The following SLC9C1 variants were observed in gnomAD, a reference collection of about 807,000 sequenced individuals.
SLC9C1 encodes sodium/hydrogen exchanger 10.
In SLC9C1, 97 loss-of-function variants were observed where a neutral mutation model predicts 140.9. The observed-to-expected ratio is 0.69, with a 90% CI of 0.58 to 0.82. The LOEUF (loss-of-function observed/expected upper bound fraction) is 0.82. Ranked by LOEUF, SLC9C1 falls within the 40% of genes least tolerant of loss-of-function variation. SLC9C1 has a pLI of 0.00. For missense variants in SLC9C1, 1,340 were observed against 1,389.3 expected, an observed-to-expected ratio of 0.96 and a Z score of 0.56; for synonymous variants, 440 against 442.6, an observed-to-expected ratio of 0.99 and a Z score of 0.07.
intron 13 of SLC9C1, among the ~76,000 whole-genome samples, chr3:112,221,678 T>C (rs2078544850): frequency 6.6e-6 from 1 of 152,048 alleles, no homozygotes; most frequent in African/African-American, 2.4e-5. Flanking sequence ...AATGATTCTA[T>C]CTTTGTAACT....
chr3:112,176,697 A>C (rs1263010494), intron 23 of SLC9C1, among the ~76,000 whole-genome samples: 1 of 152,154 alleles, frequency 6.6e-6, no homozygotes, highest in African/African-American at 2.4e-5. Flanking sequence ...TTCATTTACT[A>C]TCTGATCACA....
intron 11 of SLC9C1, among the ~76,000 whole-genome samples, chr3:112,240,934 C>T (rs6438055): frequency 0.59 from 89,398 of 151,022 alleles, 26,954 homozygotes; most frequent in East Asian, 0.79. Flanking sequence ...AACAATTTAA[C>T]TCATGGACAT....
intron 25 of SLC9C1, among the ~76,000 whole-genome samples, chr3:112,168,203 T>C (rs1246572373): frequency 6.6e-6 from 1 of 152,126 alleles, no homozygotes; most frequent in African/African-American, 2.4e-5. Flanking sequence ...TAGCACTGTA[T>C]TCCAGCATAT....
At chr3:112,259,026 C>T (rs982395878) in intron 10 of SLC9C1, among the ~76,000 whole-genome samples, 4 of 152,116 alleles carry the variant, frequency 2.6e-5, no homozygotes, top group East Asian at 3.8e-4. Flanking sequence ...GATCCAGTCA[C>T]GAGGTCCCTC....
intron 13 of SLC9C1, 79 bp downstream of exon 13, chr3:112,231,282 T>A (rs1484897404): frequency 7.1e-6 from 11 of 1,545,230 alleles, no homozygotes; most frequent in African/African-American, 1.4e-5. Flanking sequence ...GTGAGCATGA[T>A]CAAGATGTCT....
intron 13 of SLC9C1, among the ~76,000 whole-genome samples, chr3:112,223,322 G>A (rs2078591660): frequency 6.6e-6 from 1 of 151,972 alleles, no homozygotes; most frequent in South Asian, 2.1e-4. Context: ...AATAGAAGAA[G>A]AGCACAAAGA....
chr3:112,197,593 T>G (rs1208165336), intron 20 of SLC9C1, among the ~76,000 whole-genome samples: 1 of 152,144 alleles, frequency 6.6e-6, no homozygotes, highest in Non-Finnish European at 1.5e-5. Context: ...ATCCAAGCCT[T>G]CCCCTGAAAG....
Position 112,245,162 on chromosome 3 carries a change from G to A in SLC9C1, c.1198-1086C>T, listed in dbSNP as rs115526938. On this transcript the variant is annotated intron_variant, in intron 10 of 28. Coordinates refer to ENST00000305815, the MANE Select transcript of SLC9C1 (RefSeq NM_183061.3). ...AAGAATTGCCAATTCTAAAATCTTC[G>A]TATAAATTAAATAGCATATGACATG... 6.8e-3 allele frequency among the ~76,000 whole-genome samples: 1,041 copies of A among 152,174 alleles called. 8 individuals carry two copies. The highest frequency in any genetic ancestry group is 0.021 in the African/African-American group (882 of 41,514).
chr3:112,283,575 A>G (rs562255324), intron 2 of SLC9C1, among the ~76,000 whole-genome samples: 4 of 152,144 alleles, frequency 2.6e-5, no homozygotes, highest in Non-Finnish European at 5.9e-5. Flanking sequence ...AACTCCAGTA[A>G]GCAGTTCAGT....
chr3:112,254,010 T>G (rs2079536650), intron 10 of SLC9C1, among the ~76,000 whole-genome samples: 1 of 152,068 alleles, frequency 6.6e-6, no homozygotes, highest in South Asian at 2.1e-4. Flanking sequence ...GAAGGCTTGA[T>G]CCATGAAATA....
rs56965031 is a variant in SLC9C1, at chr3:112,168,322, TACACACACACACACACACAC to T, written c.3237+535_3237+554del. On this transcript the variant is annotated intron_variant, in intron 25 of 28. Coordinates refer to ENST00000305815, the MANE Select transcript of SLC9C1 (RefSeq NM_183061.3). ...CTGATTCTCCCCCAACACAAAACAA[TACACACACACACACACACAC>T]ACACACACACACACACACACACACA... Among the ~76,000 whole-genome samples, 642 of 133,826 alleles carry T rather than the reference TACACACACACACACACACAC, an allele frequency of 4.8e-3. 6 individuals carry two copies. The highest frequency in any genetic ancestry group is 0.023 in the South Asian group (91 of 3,894). 87.8% of individuals were successfully genotyped at this position (133,826 alleles called of 152,430 possible). A position where few individuals can be genotyped will look rare whatever the true frequency, so the allele number is the denominator to read the frequency against.
At chr3:112,191,506 T>C (rs1276484680) in intron 20 of SLC9C1, among the ~76,000 whole-genome samples, 1 of 152,182 alleles carries the variant, frequency 6.6e-6, no homozygotes, top group Non-Finnish European at 1.5e-5. Flanking sequence ...TTGATTTGTG[T>C]ATGTCAAACA....
chr3:112,245,576 CT>C (rs1405054819), intron 10 of SLC9C1, among the ~76,000 whole-genome samples: 2 of 151,940 alleles, frequency 1.3e-5, no homozygotes, highest in Non-Finnish European at 2.9e-5. Flanking sequence ...TATACTCCAT[CT>C]TTTTTTATTC....
chr3:112,163,513 C>G (rs1378895211), intron 26 of SLC9C1, among the ~76,000 whole-genome samples: 5 of 151,826 alleles, frequency 3.3e-5, no homozygotes, highest in Non-Finnish European at 4.4e-5. Flanking sequence ...TTATTTCTGC[C>G]TTCATTTCGT....
intron 12 of SLC9C1, among the ~76,000 whole-genome samples, chr3:112,231,986 A>G (rs11707558): frequency 0.59 from 90,342 of 151,984 alleles, 27,319 homozygotes; most frequent in East Asian, 0.79. Flanking sequence ...TAAAATAGAA[A>G]GTGAACACAC....
intron 15 of SLC9C1, among the ~76,000 whole-genome samples, chr3:112,214,909 AAG>A (rs200510561): frequency 0.29 from 44,346 of 151,870 alleles, 6,591 homozygotes; most frequent in East Asian, 0.35. Context: ...ACAACAAAAA[AAG>A]AGAATTTTAG....
At chr3:112,235,552 C>T (rs1307044785) in intron 12 of SLC9C1, among the ~76,000 whole-genome samples, 1 of 150,602 alleles carries the variant, frequency 6.6e-6, no homozygotes, top group African/African-American at 2.4e-5. Context: ...TGTCTTGTGC[C>T]AGTTTTCAAA....
At chr3:112,211,377 G>C (rs899638406) in intron 15 of SLC9C1, among the ~76,000 whole-genome samples, 4 of 91,978 alleles carry the variant, frequency 4.3e-5, no homozygotes, top group Admixed American at 4.1e-4. Flanking sequence ...AGTGGGTGCA[G>C]TGCACCGAGC....
At chr3:112,293,923 G>C (rs1281217040) in intron 1 of SLC9C1, among the ~76,000 whole-genome samples, 170 bp downstream of exon 1, 3 of 152,216 alleles carry the variant, frequency 2.0e-5, no homozygotes, top group Non-Finnish European at 4.4e-5. Context: ...CTTTGGGAAA[G>C]TGTTCCATGG....
Sources: gnomAD v4.1 joint callset for allele counts (sites outside exome capture counted in the v4.1 genomes callset) on GRCh38, gnomAD v4.1.1 for gene constraint, MANE v1.5 for transcripts, NCBI Gene and HGNC (gene_info 2026-07-23, HGNC 2026-07-21) for gene names.